The following SLC2A9 variants were observed in gnomAD, a reference collection of about 807,000 sequenced individuals.
SLC2A9 encodes the protein solute carrier family 2, facilitated glucose transporter member 9.
SLC2A9 carries 39 observed loss-of-function variants against 50.6 expected under a neutral mutation model. The ratio of observed to expected loss-of-function variants is 0.77; its 90% confidence interval spans 0.60 to 1.01. SLC2A9 has a LOEUF of 1.01. SLC2A9 is among the 50% of genes least tolerant of loss of function. SLC2A9 has a pLI of 0.00. For synonymous variants in SLC2A9, 324 were observed against 276.9 expected (o/e 1.17, Z -1.69); for missense variants, 686 against 677.6 (o/e 1.01, Z -0.14).
chr4:9,938,328 G>A (rs917393143), intron 6 of SLC2A9, among the ~76,000 whole-genome samples: 2 of 144,802 alleles, frequency 1.4e-5, no homozygotes, highest in Non-Finnish European at 3.0e-5. Flanking sequence ...CTGGAGTGCA[G>A]TGGTGTGATC....
chr4:9,938,017 T>C (rs1426099288), intron 6 of SLC2A9, among the ~76,000 whole-genome samples: 6 of 151,986 alleles, frequency 3.9e-5, no homozygotes, highest in Non-Finnish European at 7.4e-5. Context: ...TTCTCTTTGT[T>C]CCCCCCCGAA....
At chr4:10,000,542 A>G (rs1205439694) in intron 2 of SLC2A9, among the ~76,000 whole-genome samples, 3 of 152,204 alleles carry the variant, frequency 2.0e-5, no homozygotes, top group African/African-American at 4.8e-5. Context: ...TCTGCTTTCC[A>G]TAATTTTGAC....
At chr4:9,856,550 T>C (rs983348200) in intron 10 of SLC2A9, among the ~76,000 whole-genome samples, 2 of 152,196 alleles carry the variant, frequency 1.3e-5, no homozygotes, top group African/African-American at 4.8e-5. Context: ...TGGAAGCAGT[T>C]TGGCAATTTC....
chr4:9,896,588 A>G (rs749847187), intron 8 of SLC2A9, among the ~76,000 whole-genome samples: 4 of 152,178 alleles, frequency 2.6e-5, no homozygotes, highest in Non-Finnish European at 5.9e-5. Context: ...TTAAATAGTC[A>G]CAGTTTTTAA....
At chr4:10,032,427 G>A (rs1030237241) in intron 1 of SLC2A9, among the ~76,000 whole-genome samples, 1 of 152,092 alleles carries the variant, frequency 6.6e-6, no homozygotes, top group Non-Finnish European at 1.5e-5. Context: ...ATGTGGGACT[G>A]CAGCCTAAGA....
rs563882628 is a variant in SLC2A9 at position 9,944,924 on chromosome 4, A to T, written c.682-2879T>A. Reference sequence around the variant, plus strand: ...CCATATTATACATGTGGCCCACCCAAATAATAAAAATAGCTAGGATGACCT... The same window carrying T: ...CCATATTATACATGTGGCCCACCCATATAATAAAAATAGCTAGGATGACCT... On this transcript the variant is annotated intron_variant, in intron 5 of 11. Coordinates refer to ENST00000264784, the MANE Select transcript of SLC2A9 (RefSeq NM_020041.3). Among the ~76,000 whole-genome samples the T allele has an allele frequency of 5.3e-5, 8 of 152,334 alleles. No individual in the cohort carries two copies. The South Asian group carries it at 1.7e-3, about 32-fold the overall frequency.
At chr4:10,028,494 A>G (rs1240558160) in intron 1 of SLC2A9, among the ~76,000 whole-genome samples, 1 of 152,184 alleles carries the variant, frequency 6.6e-6, no homozygotes, top group Non-Finnish European at 1.5e-5. Flanking sequence ...CGACTGAGTT[A>G]ACCTCTCTGA....
At chr4:9,782,026 C>G (rs368348754) in intron 3 of SLC2A9, 11 of 1,459,542 alleles carry the variant, frequency 7.5e-6, no homozygotes, top group Admixed American at 2.6e-5. Flanking sequence ...CAGTCCAGCC[C>G]GAAATGCTGC....
At chr4:10,035,165 T>C (rs1278281077) in intron 1 of SLC2A9, 1 of 152,246 alleles carries the variant, frequency 6.6e-6, no homozygotes, top group Non-Finnish European at 1.5e-5. Flanking sequence ...GTCCTGGTAG[T>C]ACTGACAGTT....
At chr4:9,829,681 C>A (rs1725736998) in intron 11 of SLC2A9, among the ~76,000 whole-genome samples, 1 of 151,900 alleles carries the variant, frequency 6.6e-6, no homozygotes, top group Admixed American at 6.6e-5. Context: ...GAAAAAACAA[C>A]CTCATTAAAA....
intron 1 of SLC2A9, chr4:10,035,514 C>T (rs913684947): frequency 6.6e-6 from 1 of 152,206 alleles, no homozygotes; most frequent in Non-Finnish European, 1.5e-5. Flanking sequence ...GCAATGAACC[C>T]CACCTCATGG....
At chr4:9,876,359 A>G (rs896113738) in intron 10 of SLC2A9, among the ~76,000 whole-genome samples, 1 of 152,182 alleles carries the variant, frequency 6.6e-6, no homozygotes, top group African/African-American at 2.4e-5. Flanking sequence ...TTGGGAGGCC[A>G]AGGTGGGAGG....
Position 9,888,741 on chromosome 4 carries a change from G to A in SLC2A9, c.1216-1099C>T, listed in dbSNP as rs115588684. On this transcript the variant is annotated intron_variant, in intron 9 of 11. Transcript: ENST00000264784. ...AATCCTAAGAGGGCACCATCGGCGGGGGGGTAAGCTGCAAACAGTCTGGAG... is the reference window on the plus strand; with the variant it reads ...AATCCTAAGAGGGCACCATCGGCGGAGGGGTAAGCTGCAAACAGTCTGGAG... 3.5e-3 allele frequency among the ~76,000 whole-genome samples: 528 copies of A among 152,244 alleles called. 3 individuals are homozygous for A. The highest frequency in any genetic ancestry group is 0.012 in the African/African-American group (502 of 41,544).
chr4:9,987,565 G>T lies in SLC2A9; in HGVS notation c.411-1772C>A, dbSNP rs1479157621. 2.0e-5 allele frequency among the ~76,000 whole-genome samples: 3 copies of T among 152,112 alleles called. No individual in the cohort carries two copies. In the East Asian group the frequency reaches 5.8e-4, roughly 29 times the overall value. Reference sequence around the variant, plus strand: ...TAAATTGTGGTTAAAAAATTATTTTGCCCAATAGAGCCCCAGTGGGTCTCT... The same window carrying T: ...TAAATTGTGGTTAAAAAATTATTTTTCCCAATAGAGCCCCAGTGGGTCTCT... On this transcript the variant is annotated intron_variant, in intron 3 of 11. Transcript: ENST00000264784.
chr4:10,033,462 C>T (rs1764001347), intron 1 of SLC2A9, among the ~76,000 whole-genome samples: 1 of 152,176 alleles, frequency 6.6e-6, no homozygotes, highest in Non-Finnish European at 1.5e-5. Context: ...TTGCCTTTTC[C>T]AAGAAATCTT....
intron 3 of SLC2A9, among the ~76,000 whole-genome samples, chr4:9,815,936 G>A (rs541159769): frequency 1.3e-5 from 2 of 152,272 alleles, no homozygotes; most frequent in East Asian, 1.9e-4. Context: ...TTGGGAGGCC[G>A]AGGCAGGTGG....
chr4:9,829,124 C>A (rs1725608139), intron 11 of SLC2A9, among the ~76,000 whole-genome samples: 1 of 152,144 alleles, frequency 6.6e-6, no homozygotes, highest in African/African-American at 2.4e-5. Context: ...TGTGGCTCAG[C>A]CGAGCACAGT....
chr4:9,826,149 C>T, downstream of SLC2A9: 1 of 516,310 alleles, frequency 1.9e-6, no homozygotes. Flanking sequence ...TCTACTGAAA[C>T]ATAGAGTGAT....
chr4:9,970,920 TAGA>T (rs1560410454), intron 5 of SLC2A9, among the ~76,000 whole-genome samples: 1 of 152,170 alleles, frequency 6.6e-6, no homozygotes, highest in African/African-American at 2.4e-5. Context: ...AGACATTATA[TAGA>T]AGGACATTGT....
Sources: allele counts gnomAD v4.1 joint callset (sites outside exome capture counted in the v4.1 genomes callset), GRCh38; gene constraint gnomAD v4.1.1; transcripts MANE v1.5; gene names NCBI Gene and HGNC (gene_info 2026-07-23, HGNC 2026-07-21).